The following XPO5 variants were observed in gnomAD, a reference collection of about 807,000 sequenced individuals.
XPO5 encodes exportin 5.
XPO5 carries 46 observed loss-of-function variants against 160.6 expected under a neutral mutation model. The observed-to-expected ratio is 0.29, with a 90% CI of 0.23 to 0.37. XPO5 has a LOEUF of 0.37. Ranked by LOEUF, XPO5 falls within the 10% of genes least tolerant of loss-of-function variation. The probability of loss-of-function intolerance (pLI) is 1.00; values close to 1 mark genes in which losing one functional copy is unlikely to be tolerated. For synonymous variants in XPO5, 537 were observed against 519.3 expected, an observed-to-expected ratio of 1.03 and a Z score of -0.46; for missense variants, 1,090 against 1,463.9, an observed-to-expected ratio of 0.74 and a Z score of 4.17.
At chr6:43,560,107 C>T in intron 11 of XPO5, 71 bp downstream of exon 11, 2 of 1,536,278 alleles carry the variant, frequency 1.3e-6, no homozygotes, top group Non-Finnish European at 1.8e-6. Context: ...GCGTGAGCCA[C>T]CGCACCCAGC....
In XPO5 at chr6:43,529,266, G is replaced by C. The variant is rs1305456352; in HGVS notation, c.2678-341C>G. The C allele has an allele frequency of 1.5e-6, 2 of 1,359,434 alleles. No individual in the cohort carries two copies. Among genetic ancestry groups the C allele is most frequent in the African/African-American group, 3.0e-5 (2 of 67,594 alleles). The allele number at this position is 1,359,434 out of a possible 1,614,324, so 84.2% of individuals were successfully genotyped here. On this transcript the variant is annotated intron_variant, in intron 23 of 31. Coordinates refer to ENST00000265351, the MANE Select transcript of XPO5 (RefSeq NM_020750.3). ...AATTTCAGGTAAGAAAGATTTGCTG[G>C]CTGCGGTGGCTCACACCTGTAATCC...
chr6:43,558,718 T>A (rs1380113552), intron 11 of XPO5, 127 bp from the exon 12 acceptor site: 10 of 662,782 alleles, frequency 1.5e-5, no homozygotes, highest in Non-Finnish European at 2.5e-5. Context: ...TATTGTATGG[T>A]AAATATCCAC....
chr6:43,557,541 C>T (rs562578657), intron 12 of XPO5, among the ~76,000 whole-genome samples: 7 of 151,948 alleles, frequency 4.6e-5, no homozygotes, highest in South Asian at 2.1e-4. Context: ...TTATATGAAA[C>T]GTTCAGAATA....
chr6:43,573,072 T>A (rs1168456149), intron 2 of XPO5, among the ~76,000 whole-genome samples: 1 of 152,194 alleles, frequency 6.6e-6, no homozygotes, highest in Non-Finnish European at 1.5e-5. Context: ...AATCCTGCTT[T>A]GGATGTACCA....
At chr6:43,534,769 T>A (rs1328499043) in intron 20 of XPO5, among the ~76,000 whole-genome samples, 1 of 151,870 alleles carries the variant, frequency 6.6e-6, no homozygotes, top group Non-Finnish European at 1.5e-5. Context: ...AGGCCGAGGC[T>A]GGCGAATTAC....
chr6:43,527,609 GC>G, intron 26 of XPO5, 24 bp downstream of exon 26: 1 of 1,611,250 alleles, frequency 6.2e-7, no homozygotes, highest in Non-Finnish European at 8.5e-7. Context: ...ATCCTCTATA[GC>G]CCCAGTTTCG....
intron 31 of XPO5, 75 bp downstream of exon 31, chr6:43,524,396 C>T: frequency 4.8e-6 from 7 of 1,448,892 alleles, no homozygotes; most frequent in Non-Finnish European, 6.5e-6. Context: ...TCAATAACTA[C>T]AGCTGGTTTA....
Position 43,523,831 on chromosome 6 carries a change from A to C in XPO5, c.*37T>G, listed in dbSNP as rs1446549039. Reference sequence around the variant, plus strand: ...CGGCTACAAAGGGAAAGAAGAGATGACAAGAAAGGCCGAGGAAGGATGCCC... The same window carrying C: ...CGGCTACAAAGGGAAAGAAGAGATGCCAAGAAAGGCCGAGGAAGGATGCCC... On this transcript the variant is annotated 3_prime_UTR_variant, in exon 32 of 32. Coordinates refer to ENST00000265351, the MANE Select transcript of XPO5 (RefSeq NM_020750.3). 6.2e-7 allele frequency: 1 copy of C among 1,613,914 alleles called. No homozygotes were observed. Among genetic ancestry groups the C allele is most frequent in the Admixed American group, 1.7e-5 (1 of 60,022 alleles).
At chr6:43,531,385 T>TAA in intron 22 of XPO5, 94 bp downstream of exon 22, 1 of 1,157,538 alleles carries the variant, frequency 8.6e-7, no homozygotes, top group Non-Finnish European at 1.3e-6. Flanking sequence ...TGCCTCGCCT[T>TAA]ACCTGTACAC....
chr6:43,529,005 G>A (rs1016044762), intron 23 of XPO5, 80 bp from the exon 24 acceptor site: 1 of 1,333,332 alleles, frequency 7.5e-7, no homozygotes, highest in African/African-American at 1.5e-5. Context: ...CCCCTGGGCA[G>A]AATCAATCCC....
chr6:43,568,206 G>T (rs1199733773), intron 6 of XPO5, among the ~76,000 whole-genome samples: 1 of 152,026 alleles, frequency 6.6e-6, no homozygotes, highest in Non-Finnish European at 1.5e-5. Context: ...TACTCGGGAG[G>T]CCAGGCAGGA....
chr6:43,575,275 T>C (rs188399302), intron 1 of XPO5, among the ~76,000 whole-genome samples: 24 of 152,246 alleles, frequency 1.6e-4, no homozygotes, highest in Admixed American at 7.8e-4. Flanking sequence ...TGTTAAAGCA[T>C]ATAAGCATAA....
chr6:43,524,940 G>A lies in XPO5; in HGVS notation c.3203C>T (p.Ala1068Val), dbSNP rs761962086. The A allele has an allele frequency of 1.9e-6, 3 of 1,613,736 alleles. No individual in the cohort carries two copies. Among genetic ancestry groups the A allele is most frequent in the Non-Finnish European group, 2.5e-6 (3 of 1,179,858 alleles). The change falls in exon 30 of 32, where the codon GCA (alanine) becomes GTA (valine). Residue 1068 changes from alanine (A) to valine (V), a missense_variant. Coordinates refer to ENST00000265351, the MANE Select transcript of XPO5 (RefSeq NM_020750.3). ...QVLSGTLLAD[A>V]VTWLFTSVLK... ...CACACTGGTGAAAAGCCACGTAACT[G>A]CATCTGCGAGCAGTGTCCCTGACAG...
chr6:43,550,707 C>T (rs1294752639), intron 15 of XPO5, among the ~76,000 whole-genome samples: 1 of 152,154 alleles, frequency 6.6e-6, no homozygotes, highest in Non-Finnish European at 1.5e-5. Flanking sequence ...TAAAGATGTT[C>T]TACATATTCT....
chr6:43,572,469 A>C, intron 3 of XPO5, 37 bp downstream of exon 3: 1 of 1,608,384 alleles, frequency 6.2e-7, no homozygotes, highest in Middle Eastern at 1.7e-4. Flanking sequence ...TGCCTAAACT[A>C]CCTTGGAAAC....
chr6:43,570,987 A>G lies in XPO5; in HGVS notation c.308T>C (p.Leu103Ser). 1 of 1,609,094 alleles carries G rather than the reference A, an allele frequency of 6.2e-7. No homozygotes were observed. The highest frequency in any genetic ancestry group is 8.5e-7 in the Non-Finnish European group (1 of 1,178,576). ...ATGGTTCTCCTCTTCCAAAATGTTCAATGTTCCCTGAAAAAGAACAAGAGA... is the reference window on the plus strand; with the variant it reads ...ATGGTTCTCCTCTTCCAAAATGTTCGATGTTCCCTGAAAAAGAACAAGAGA... ...SVMELIANGT[L>S]NILEEENHIK... is the part of the protein sequence containing the mutation. The change falls in exon 4 of 32, where the codon TTG becomes TCG. Residue 103 changes from leucine (L) to serine (S), a missense_variant. Around this residue, in one of 3 missense-constraint regions of XPO5, gnomAD observed 170 missense variants for 227.0 expected, o/e 0.75. Coordinates refer to ENST00000265351, the MANE Select transcript of XPO5 (RefSeq NM_020750.3).
At chr6:43,563,754 A>C (rs1762538114) in intron 8 of XPO5, among the ~76,000 whole-genome samples, 1 of 152,216 alleles carries the variant, frequency 6.6e-6, no homozygotes, top group Non-Finnish European at 1.5e-5. Context: ...AAAATATGGT[A>C]TAAATGATAA....
chr6:43,560,048 G>T, intron 11 of XPO5, 130 bp downstream of exon 11: 1 of 1,173,068 alleles, frequency 8.5e-7, no homozygotes, highest in Non-Finnish European at 1.2e-6. Context: ...CCAACTCCTG[G>T]GCTCAAGCGA....
intron 9 of XPO5, among the ~76,000 whole-genome samples, 189 bp from the exon 10 acceptor site, chr6:43,561,196 T>G (rs1373220793): frequency 6.6e-6 from 1 of 152,070 alleles, no homozygotes; most frequent in African/African-American, 2.4e-5. Context: ...GCCTACTCAA[T>G]CATCATCATT....
Sources: gnomAD v4.1 joint callset for allele counts (sites outside exome capture counted in the v4.1 genomes callset) on GRCh38, gnomAD v4.1.1 for gene constraint, gnomAD v4.1.1 regional missense constraint, MANE v1.5 for transcripts, NCBI Gene and HGNC (gene_info 2026-07-23, HGNC 2026-07-21) for gene names.